Variants in ARL13A observed in about 807,000 individuals in gnomAD.
ARL13A encodes the protein ADP-ribosylation factor-like protein 13A.
A neutral mutation model predicts 19.1 loss-of-function variants in ARL13A; 16 were observed. The ratio of observed to expected loss-of-function variants is 0.84; its 90% CI spans 0.57 to 1.27. The LOEUF is 1.27. Among genes scored for constraint, ARL13A ranks in the 50% most tolerant of loss-of-function variants. ARL13A has a pLI of 0.00. For missense variants in ARL13A, 153 were observed against 186.4 expected (o/e 0.82, Z 1.04); for synonymous variants, 69 against 71.3 (o/e 0.97, Z 0.17).
At chrX:100,984,174 C>T (rs2085903488) in intron 3 of ARL13A, among the ~76,000 whole-genome samples, 3 of 107,092 alleles carry the variant, frequency 2.8e-5, no homozygotes, top group Non-Finnish European at 3.9e-5. Context: ...AGTGCAGTGG[C>T]GTAATCTCAG....
intron 3 of ARL13A, among the ~76,000 whole-genome samples, chrX:100,976,101 G>GCAGGAAAAATCCAGGAGC (rs2085757412): frequency 2.7e-5 from 3 of 110,576 alleles, no homozygotes; most frequent in East Asian, 5.6e-4. Flanking sequence ...GTAAATAGCA[G>GCAGGAAAAATCCAGGAGC]CAGGAAAAAT....
At chrX:100,975,627 T>C (rs762085066) in intron 3 of ARL13A, among the ~76,000 whole-genome samples, 1 of 103,795 alleles carries the variant, frequency 9.6e-6, no homozygotes, top group East Asian at 2.8e-4. Flanking sequence ...TGCCATTTTC[T>C]TTGCTTTTTT....
intron 3 of ARL13A, among the ~76,000 whole-genome samples, chrX:100,975,929 C>T (rs979114883): frequency 3.6e-5 from 4 of 110,822 alleles, no homozygotes; most frequent in South Asian, 3.9e-4. Context: ...CCACTGCGCC[C>T]GGCGACATGT....
intron 3 of ARL13A, among the ~76,000 whole-genome samples, chrX:100,980,989 C>T (rs908015452): frequency 9.0e-6 from 1 of 111,724 alleles, no homozygotes; most frequent in African/African-American, 3.3e-5. Flanking sequence ...GTTCTCTTTA[C>T]TCTTCCCTCT....
chrX:100,985,825 G>C lies in ARL13A; in HGVS notation c.289G>C (p.Asp97His). 8.3e-7 allele frequency: 1 copy of C among 1,211,612 alleles called. No homozygotes were observed. The highest frequency in any genetic ancestry group is 1.1e-6 in the Non-Finnish European group (1 of 895,393). Residue 97 changes from aspartate (D) to histidine (H), a missense_variant, in exon 4 of 8, where the codon GAT becomes CAT. Physicochemically the swap from Asp to His is moderately conservative, Grantham distance 81 (BLOSUM62 -1). Transcript: ENST00000450049. ...GGCCCATGGGCTTGTTTTCGTCCTG[G>C]ATTCCAGTGACATAAGACGCATGCA... Reference protein sequence around the residue: ...AQAHGLVFVLDSSDIRRMQEV... With the variant: ...AQAHGLVFVLHSSDIRRMQEV...
rs192240447 is a variant in ARL13A at position 100,980,635 on chromosome X, T to C, written c.131-5032T>C. Among the ~76,000 whole-genome samples, 3 of 111,476 alleles carry C rather than the reference T, an allele frequency of 2.7e-5. No homozygotes were observed. The East Asian group carries it at 8.5e-4, about 32-fold the overall frequency. ...CAAGACAAAGTCCTTTTTACTCTTC[T>C]CTCTCCTTTCCTCAAGCAGGAGTCT... On this transcript the variant is annotated intron_variant, in intron 3 of 7. Coordinates refer to ENST00000450049, the MANE Select transcript of ARL13A (RefSeq NM_001162491.2).
At chrX:100,975,631 C>T (rs1218610744) in intron 3 of ARL13A, among the ~76,000 whole-genome samples, 13 of 97,908 alleles carry the variant, frequency 1.3e-4, no homozygotes, top group East Asian at 1.2e-3. Context: ...ATTTTCTTTG[C>T]TTTTTTTTTT....
intron 7 of ARL13A, among the ~76,000 whole-genome samples, chrX:100,988,851 CATATATATATATATATATATAT>C (rs55947893): frequency 3.8e-5 from 3 of 79,688 alleles, no homozygotes; most frequent in African/African-American, 1.5e-4. Flanking sequence ...TAATATATCT[CATATATATATATATATATATAT>C]ATATATATCA....
chrX:100,982,343 T>C (rs1254886342), intron 3 of ARL13A, among the ~76,000 whole-genome samples: 1 of 110,106 alleles, frequency 9.1e-6, no homozygotes, highest in African/African-American at 3.3e-5. Context: ...AATACAAAAA[T>C]TGGCTGGGTG....
intron 1 of ARL13A, among the ~76,000 whole-genome samples, chrX:100,970,961 C>A (rs1200630732): frequency 8.9e-6 from 1 of 112,054 alleles, no homozygotes; most frequent in East Asian, 2.8e-4. Context: ...AGCAGTAATA[C>A]TCCTAGGTAT....
Position 100,973,586 on chromosome X carries a change from A to G in ARL13A, c.-14-90A>G, listed in dbSNP as rs754234637. Reference sequence around the variant, plus strand: ...TCTAACAATCCCAGGCTTTCTGTTTATCAGCACCTGTTTAGTCATAAGCTG... The same window carrying G: ...TCTAACAATCCCAGGCTTTCTGTTTGTCAGCACCTGTTTAGTCATAAGCTG... On this transcript the variant is annotated intron_variant, in intron 1 of 7. Coordinates refer to ENST00000450049, the MANE Select transcript of ARL13A (RefSeq NM_001162491.2). 2.4e-5 allele frequency: 23 copies of G among 964,733 alleles called. No homozygotes were observed. In the South Asian group the frequency reaches 4.7e-4, roughly 20 times the overall value. 79.5% of individuals were successfully genotyped at this position (964,733 alleles called of 1,213,427 possible). A position where few individuals can be genotyped will look rare whatever the true frequency, so the allele number is the denominator to read the frequency against.
intron 3 of ARL13A, among the ~76,000 whole-genome samples, chrX:100,977,212 T>C (rs771226131): frequency 9.0e-6 from 1 of 111,062 alleles, no homozygotes; most frequent in African/African-American, 3.3e-5. Context: ...TCACTTACTC[T>C]AAATGTACAA....
intron 3 of ARL13A, among the ~76,000 whole-genome samples, chrX:100,977,369 C>CTTTTTTTTTTTTTTTTTT (rs59915769): frequency 1.8e-5 from 1 of 56,470 alleles, no homozygotes; most frequent in African/African-American, 7.2e-5. Context: ...CTACTCTCTT[C>CTTTTTTTTTTTTTTTTTT]TTTTTTTTTT....
chrX:100,986,564 T>C (rs1244670348), intron 4 of ARL13A, among the ~76,000 whole-genome samples: 1 of 112,223 alleles, frequency 8.9e-6, no homozygotes, highest in Non-Finnish European at 1.9e-5. Context: ...AAATGAGCCC[T>C]GGGGGGACTA....
At chrX:100,980,475 C>A (rs1477739096) in intron 3 of ARL13A, among the ~76,000 whole-genome samples, 2 of 110,724 alleles carry the variant, frequency 1.8e-5, no homozygotes, top group Non-Finnish European at 3.8e-5. Flanking sequence ...TGGGTCTCTC[C>A]CTTCAGGGCA....
intron 1 of ARL13A, among the ~76,000 whole-genome samples, chrX:100,973,388 C>T (rs1039392556): frequency 2.0e-5 from 2 of 100,797 alleles, no homozygotes; most frequent in Admixed American, 1.1e-4. Context: ...TCGGGCCCCG[C>T]GGGGCCCGTC....
At chrX:100,969,836 T>C (rs1296387345) in intron 1 of ARL13A, 27 bp downstream of exon 1, 3 of 112,610 alleles carry the variant, frequency 2.7e-5, no homozygotes, top group Non-Finnish European at 5.6e-5. Flanking sequence ...ACTATCTTCA[T>C]TTTACAGATA....
At chrX:100,978,415 T>C (rs1214074014) in intron 3 of ARL13A, among the ~76,000 whole-genome samples, 1 of 111,819 alleles carries the variant, frequency 8.9e-6, no homozygotes, top group African/African-American at 3.2e-5. Context: ...ATAATTGTTA[T>C]ATACACTTGC....
chrX:100,989,230 C>T (rs925407618), intron 7 of ARL13A, among the ~76,000 whole-genome samples: 5 of 111,193 alleles, frequency 4.5e-5, no homozygotes, highest in African/African-American at 1.6e-4. Flanking sequence ...ATAGAAATAC[C>T]TGGAGGAATA....
Sources: gnomAD v4.1 joint callset for allele counts (sites outside exome capture counted in the v4.1 genomes callset) on GRCh38, gnomAD v4.1.1 for gene constraint, MANE v1.5 for transcripts, NCBI Gene and HGNC (gene_info 2026-07-23, HGNC 2026-07-21) for gene names.